The following PCDHA8 variants were observed in gnomAD, a reference collection of about 807,000 sequenced individuals.
PCDHA8 encodes the protein protocadherin alpha 8.
A neutral mutation model predicts 61.8 loss-of-function variants in PCDHA8; 53 were observed. The observed-to-expected ratio is 0.86, with a 90% CI of 0.69 to 1.08. PCDHA8 has a LOEUF of 1.08. PCDHA8 is among the 50% of genes least tolerant of loss of function. The pLI, the probability that PCDHA8 is intolerant of heterozygous loss-of-function variation, is 0.00. For missense variants in PCDHA8, 1,293 were observed against 1,245.0 expected (o/e 1.04, Z -0.58); for synonymous variants, 618 against 556.6 (o/e 1.11, Z -1.55).
At position 140,882,956 on chromosome 5, in the gene PCDHA8, A is replaced by G; in HGVS notation, c.2394+39241A>G. The stretch of plus-strand genomic sequence containing the variant: ...GCTGACTGGCACAGTTCAGCTGCTC[A>G]TCACGATTCTGGACGTGAATGACAA... On this transcript the variant is annotated intron_variant, in intron 1 of 3. Coordinates refer to ENST00000531613, the MANE Select transcript of PCDHA8 (RefSeq NM_018911.3). The G allele has an allele frequency of 6.2e-7, 1 of 1,614,228 alleles. No individual in the cohort carries two copies. The highest frequency in any genetic ancestry group is 8.5e-7 in the Non-Finnish European group (1 of 1,180,044).
rs192376340 is a variant in PCDHA8, at chr5:140,857,538, G to T, written c.2394+13823G>T. The T allele has an allele frequency of 6.9e-6, 11 of 1,597,348 alleles. No individual in the cohort carries two copies. In the East Asian group the frequency reaches 2.0e-4, roughly 29 times the overall value. On this transcript the variant is annotated intron_variant, in intron 1 of 3. Transcript: ENST00000531613. Reference sequence around the variant, plus strand: ...GTGTCCTACTCTCTGGTGGAGCGGCGGTTGGGCGAGCGCTCGCTGTCGAGC... The same window carrying T: ...GTGTCCTACTCTCTGGTGGAGCGGCTGTTGGGCGAGCGCTCGCTGTCGAGC...
At chr5:140,976,794 A>T (rs1199342082) in intron 1 of PCDHA8, among the ~76,000 whole-genome samples, 1 of 152,230 alleles carries the variant, frequency 6.6e-6, no homozygotes, top group East Asian at 1.9e-4. Context: ...CTACGCTTTT[A>T]TGAATATCTG....
chr5:140,966,427 C>T (rs2096001144), intron 1 of PCDHA8: 1 of 421,646 alleles, frequency 2.4e-6, no homozygotes, highest in African/African-American at 2.1e-5. Context: ...CTTGCTGAGC[C>T]CTCCTACCGC....
rs782372222 is a variant in PCDHA8 at position 140,876,213 on chromosome 5, T to C, written c.2394+32498T>C. 11 of 1,613,846 alleles carry C rather than the reference T, an allele frequency of 6.8e-6. No homozygotes were observed. The Admixed American group carries it at 8.3e-5, about 12-fold the overall frequency. On this transcript the variant is annotated intron_variant, in intron 1 of 3. Coordinates refer to ENST00000531613, the MANE Select transcript of PCDHA8 (RefSeq NM_018911.3). The stretch of plus-strand genomic sequence containing the variant: ...GTCCGGCGTTTGATAAGCCCAGCTA[T>C]AAAGTAGTGTTGTCTGAAAATGTCC...
chr5:140,995,867 G>A (rs1355291744), intron 3 of PCDHA8, among the ~76,000 whole-genome samples: 1 of 152,152 alleles, frequency 6.6e-6, no homozygotes, highest in Non-Finnish European at 1.5e-5. Flanking sequence ...CTTAATAATT[G>A]TGCAACCTGT....
rs1554139882 is a variant in PCDHA8 at position 140,843,246 on chromosome 5, C to G, written c.1925C>G (p.Ser642Cys). ...STTRVLDEAD[S>C]PRHRLLVLVK... is the part of the protein sequence containing the mutation. ...ACTCGTGTCCTGGACGAAGCGGACT[C>G]TCCGCGCCACCGTCTGCTGGTCCTG... Residue 642 changes from serine (S) to cysteine (C), a missense_variant, in exon 1 of 4, where the codon TCT becomes TGT. Ser to Cys is a moderately radical substitution (Grantham distance 112). Coordinates refer to ENST00000531613, the MANE Select transcript of PCDHA8 (RefSeq NM_018911.3). The G allele has an allele frequency of 5.6e-6, 9 of 1,595,918 alleles. No individual in the cohort carries two copies. The highest frequency in any genetic ancestry group is 1.7e-4 in the Middle Eastern group (1 of 6,018).
rs1323301501 is a variant in PCDHA8, at chr5:140,843,782, T to C, written c.2394+67T>C. 2.1e-6 allele frequency: 3 copies of C among 1,427,592 alleles called. No homozygotes were observed. In the African/African-American group the frequency reaches 4.2e-5, roughly 20 times the overall value. 88.4% of individuals were successfully genotyped at this position (1,427,592 alleles called of 1,614,324 possible). A position where few individuals can be genotyped will look rare whatever the true frequency, so the allele number is the denominator to read the frequency against. On this transcript the variant is annotated intron_variant, in intron 1 of 3. Coordinates refer to ENST00000531613, the MANE Select transcript of PCDHA8 (RefSeq NM_018911.3). ...GAAATTGTAGTTACTTTAAAAGTGT[T>C]TCAGATTTAGTTTTTCACCGTATTT...
chr5:140,860,498 A>G (rs1440089357), intron 1 of PCDHA8: 3 of 152,224 alleles, frequency 2.0e-5, no homozygotes, highest in Non-Finnish European at 4.4e-5. Flanking sequence ...GGATGTCTAC[A>G]TACAAGATAA....
At chr5:140,999,263 A>G (rs566864160) in intron 3 of PCDHA8, among the ~76,000 whole-genome samples, 3 of 152,346 alleles carry the variant, frequency 2.0e-5, no homozygotes, top group East Asian at 1.9e-4. Context: ...TAGTAAAGGA[A>G]TACTGCATAG....
rs376929883 is a variant in PCDHA8 at position 140,967,867 on chromosome 5, C to T, written c.2395-11082C>T. Reference sequence around the variant, plus strand: ...ATGACAATGCCCCAGAGGTGGTGCTCACGGACCTGTATAGCCCAGTGCCTG... The same window carrying T: ...ATGACAATGCCCCAGAGGTGGTGCTTACGGACCTGTATAGCCCAGTGCCTG... On this transcript the variant is annotated intron_variant, in intron 1 of 3. Coordinates refer to ENST00000531613, the MANE Select transcript of PCDHA8 (RefSeq NM_018911.3). 48 of 1,614,012 alleles carry T rather than the reference C, an allele frequency of 3.0e-5. No individual in the cohort carries two copies. The African/African-American group carries it at 6.0e-4, about 20-fold the overall frequency.
chr5:140,982,943 A>G (rs2097017074), intron 3 of PCDHA8, among the ~76,000 whole-genome samples: 1 of 151,992 alleles, frequency 6.6e-6, no homozygotes, highest in Admixed American at 6.5e-5. Flanking sequence ...CTTTTGGTTG[A>G]AGACTATGGA....
intron 1 of PCDHA8, chr5:140,882,302 C>T (rs2059055627): frequency 1.2e-6 from 2 of 1,613,794 alleles, no homozygotes; most frequent in Non-Finnish European, 8.5e-7. Context: ...CCCAAGACCG[C>T]GGCAACTACT....
At chr5:140,922,791 T>A (rs1454046146) in intron 1 of PCDHA8, among the ~76,000 whole-genome samples, 1 of 152,078 alleles carries the variant, frequency 6.6e-6, no homozygotes, top group Non-Finnish European at 1.5e-5. Flanking sequence ...AAACTGTAGC[T>A]TTGGAATACA....
chr5:140,884,563 T>TAAGACG (rs2060266286), intron 1 of PCDHA8: 9 of 1,614,032 alleles, frequency 5.6e-6, no homozygotes, highest in Non-Finnish European at 7.6e-6. Context: ...AGGGCCCGCA[T>TAAGACG]AAGACGGACC....
intron 1 of PCDHA8, among the ~76,000 whole-genome samples, chr5:140,905,031 T>G (rs2071545933): frequency 6.6e-6 from 1 of 152,228 alleles, no homozygotes. Flanking sequence ...GCAGAAGCTT[T>G]TTAGTTTAAT....
At chr5:140,858,375 C>T (rs1252920038) in intron 1 of PCDHA8, 4 of 1,587,834 alleles carry the variant, frequency 2.5e-6, no homozygotes, top group Non-Finnish European at 3.4e-6. Flanking sequence ...AGCCTTCCAC[C>T]ATGCCCAATG....
intron 1 of PCDHA8, chr5:140,860,705 T>C (rs1444620274): frequency 6.6e-6 from 1 of 152,242 alleles, no homozygotes; most frequent in Non-Finnish European, 1.5e-5. Context: ...ATATTGTTGT[T>C]CTCCATGAAA....
At chr5:140,870,715 G>C in intron 1 of PCDHA8, 1 of 1,613,128 alleles carries the variant, frequency 6.2e-7, no homozygotes, top group Non-Finnish European at 8.5e-7. Context: ...GAGCGCGCGC[G>C]ATGCGGGCGT....
chr5:140,857,982 G>C lies in PCDHA8; in HGVS notation c.2394+14267G>C, dbSNP rs782329809. The C allele has an allele frequency of 6.9e-6, 11 of 1,596,698 alleles. No individual in the cohort carries two copies. In the Admixed American group the frequency reaches 1.9e-4, roughly 27 times the overall value. ...GATGAGACTGACTCGCCACGCCAGC[G>C]CCTACTGGTGCTGGTGAAGGACCAT... On this transcript the variant is annotated intron_variant, in intron 1 of 3. Transcript: ENST00000531613.
Sources: gnomAD v4.1 joint callset for allele counts (sites outside exome capture counted in the v4.1 genomes callset) on GRCh38, gnomAD v4.1.1 for gene constraint, MANE v1.5 for transcripts, NCBI Gene and HGNC (gene_info 2026-07-23, HGNC 2026-07-21) for gene names.